Variants in BAZ2A observed in about 807,000 individuals in gnomAD.
BAZ2A encodes bromodomain adjacent to zinc finger domain protein 2A.
Under a neutral mutation model 199.9 loss-of-function variants are expected in BAZ2A, and 34 were observed. The observed-to-expected ratio is 0.17, with a 90% CI of 0.13 to 0.23. The LOEUF is 0.23. Ranked by LOEUF, BAZ2A falls within the 10% of genes least tolerant of loss-of-function variation. BAZ2A has a pLI of 1.00. For missense variants in BAZ2A, 2,002 were observed against 2,391.1 expected (o/e 0.84, Z 3.39); for synonymous variants, 857 against 883.9 (o/e 0.97, Z 0.54).
chr12:56,627,261 G>T (rs547711529), intron 1 of BAZ2A, among the ~76,000 whole-genome samples: 4 of 151,858 alleles, frequency 2.6e-5, no homozygotes, highest in African/African-American at 9.7e-5. Context: ...CTCAATTCGA[G>T]TTCGAGACCA....
At position 56,602,809 on chromosome 12, in the gene BAZ2A, G is replaced by A. The variant is rs752773077; in HGVS notation, c.3328C>T (p.Arg1110Trp). 4.3e-6 allele frequency: 7 copies of A among 1,613,642 alleles called. No homozygotes were observed. The highest frequency in any genetic ancestry group is 3.3e-5 in the South Asian group (3 of 91,048). ...CGGTCCTGACCCAGGGAGACCGCCC[G>A]AAGCATCTGGGATGAGTGAAGCAGC... is the stretch of plus-strand genomic sequence containing the variant. ...KKLLHSSQML[R>W]AVSLGQDRYR... The change falls in exon 19 of 29, where the codon CGG becomes TGG. Residue 1110 changes from arginine (R) to tryptophan (W), a missense_variant. Arg to Trp is a moderately radical substitution (Grantham distance 101). This residue lies in a region of BAZ2A where 1,081 missense variants were observed against 1,274.7 expected (regional missense o/e 0.85). Coordinates refer to ENST00000549884, the MANE Select transcript of BAZ2A (RefSeq NM_001300905.2).
intron 1 of BAZ2A, among the ~76,000 whole-genome samples, chr12:56,625,691 C>G (rs1424667800): frequency 6.6e-6 from 1 of 151,668 alleles, no homozygotes; most frequent in African/African-American, 2.4e-5. Flanking sequence ...TCCTGGCTAA[C>G]ACGGTGAAAC....
chr12:56,638,189 C>T, upstream of BAZ2A: 2 of 711,598 alleles, frequency 2.8e-6, no homozygotes, highest in South Asian at 1.9e-5. Flanking sequence ...GAGGGGTGTA[C>T]ATTTTATTGG....
Position 56,610,523 on chromosome 12 carries a change from A to G in BAZ2A, c.1671-6T>C. 6.2e-7 allele frequency: 1 copy of G among 1,607,750 alleles called. No individual in the cohort carries two copies. The highest frequency in any genetic ancestry group is 1.1e-5 in the South Asian group (1 of 89,934). On this transcript the variant is annotated splice_region_variant and splice_polypyrimidine_tract_variant and intron_variant, in intron 7 of 28. Transcript: ENST00000549884. Reference sequence around the variant, plus strand: ...TGCGCACCTCTCTCCGCCACCTGCCAGAGAAGCACATGGGCCCTGCCGCCA... The same window carrying G: ...TGCGCACCTCTCTCCGCCACCTGCCGGAGAAGCACATGGGCCCTGCCGCCA...
intron 3 of BAZ2A, 102 bp downstream of exon 3, chr12:56,614,912 T>C (rs760322845): frequency 5.6e-6 from 7 of 1,242,174 alleles, no homozygotes; most frequent in Non-Finnish European, 7.9e-6. Context: ...CAGCCTCCAC[T>C]GCAGAGAGCT....
Position 56,601,640 on chromosome 12 carries a change from G to C in BAZ2A, c.3977C>G (p.Ala1326Gly), listed in dbSNP as rs765025249. Residue 1326 changes from alanine to glycine, a missense_variant, in exon 20 of 29, where the codon GCC becomes GGC. Around this residue, in one of 6 missense-constraint regions of BAZ2A, gnomAD observed 1,081 missense variants for 1,274.7 expected, o/e 0.85. Coordinates refer to ENST00000549884, the MANE Select transcript of BAZ2A (RefSeq NM_001300905.2). ...DPQALWFNIS[A>G]QMPCNAAPTP... ...GGGGGCAGCATTGCAGGGCATCTGG[G>C]CTGAGATGTTAAACCAGAGTGCTTG... The C allele has an allele frequency of 1.2e-6, 2 of 1,613,972 alleles. No homozygotes were observed. Among genetic ancestry groups the C allele is most frequent in the South Asian group, 2.2e-5 (2 of 91,084 alleles).
chr12:56,609,072 G>A (rs1056556565), intron 10 of BAZ2A, among the ~76,000 whole-genome samples: 2 of 151,782 alleles, frequency 1.3e-5, no homozygotes, highest in Admixed American at 6.6e-5. Context: ...TAGAGACGGG[G>A]TTTTACCATG....
At chr12:56,620,852 C>A (rs1020832717) in intron 1 of BAZ2A, among the ~76,000 whole-genome samples, 34 of 152,090 alleles carry the variant, frequency 2.2e-4, no homozygotes. Flanking sequence ...TGAGCCACTG[C>A]GCCCAGTCAG....
chr12:56,601,992 C>A lies in BAZ2A; in HGVS notation c.3625G>T (p.Gly1209Cys), dbSNP rs1036599938. 1 of 1,556,444 alleles carries A rather than the reference C, an allele frequency of 6.4e-7. No homozygotes were observed. The highest frequency in any genetic ancestry group is 1.4e-5 in the African/African-American group (1 of 73,288). ...QPRHLKSPVR[G>C]QDSEQPQAQL... The stretch of plus-strand genomic sequence containing the variant: ...GCCTGGGGCTGTTCTGAATCCTGAC[C>A]CCTGACAGGGGACTTAAGATGCCTA... Residue 1209 changes from glycine to cysteine, a missense_variant, in exon 20 of 29, where the codon GGT (glycine) becomes TGT (cysteine). Around this residue, in one of 6 missense-constraint regions of BAZ2A, gnomAD observed 1,081 missense variants for 1,274.7 expected, o/e 0.85. Coordinates refer to ENST00000549884, the MANE Select transcript of BAZ2A (RefSeq NM_001300905.2).
chr12:56,599,115 T>A lies in BAZ2A; in HGVS notation c.5402+14A>T. ...GGTAGAGCCAACTGTCCCCCCAGGATTCACTCAACTCACTCGCAAAATGTG... is the reference window on the plus strand; with the variant it reads ...GGTAGAGCCAACTGTCCCCCCAGGAATCACTCAACTCACTCGCAAAATGTG... On this transcript the variant is annotated intron_variant, in intron 27 of 28. Coordinates refer to ENST00000549884, the MANE Select transcript of BAZ2A (RefSeq NM_001300905.2). 8 of 1,605,410 alleles carry A rather than the reference T, an allele frequency of 5.0e-6. No individual in the cohort carries two copies. The highest frequency in any genetic ancestry group is 6.8e-6 in the Non-Finnish European group (8 of 1,175,530).
At chr12:56,618,512 C>T (rs1042804637) in intron 1 of BAZ2A, among the ~76,000 whole-genome samples, 14 of 152,070 alleles carry the variant, frequency 9.2e-5, no homozygotes, top group African/African-American at 2.7e-4. Flanking sequence ...ACATATCAAT[C>T]GGATTCTTGT....
intron 1 of BAZ2A, among the ~76,000 whole-genome samples, chr12:56,620,485 A>G (rs756121579): frequency 3.3e-5 from 5 of 152,070 alleles, no homozygotes; most frequent in African/African-American, 4.8e-5. Context: ...TGGGTGACAG[A>G]GCGAAACCCT....
At chr12:56,620,111 GGAA>G (rs1950866497) in intron 1 of BAZ2A, among the ~76,000 whole-genome samples, 1 of 151,686 alleles carries the variant, frequency 6.6e-6, no homozygotes, top group African/African-American at 2.4e-5. Flanking sequence ...GGACCACACT[GGAA>G]GAAGTGTCTT....
chr12:56,614,618 A>G (rs1427966833), intron 3 of BAZ2A, among the ~76,000 whole-genome samples: 1 of 152,150 alleles, frequency 6.6e-6, no homozygotes, highest in Non-Finnish European at 1.5e-5. Context: ...CAATCACTAC[A>G]TTGGGCTCAG....
At chr12:56,619,345 C>CAA (rs1046293416) in intron 1 of BAZ2A, among the ~76,000 whole-genome samples, 2 of 116,310 alleles carry the variant, frequency 1.7e-5, no homozygotes, top group African/African-American at 6.4e-5. Context: ...GACTTCATCT[C>CAA]AAAAAAAAAA....
At position 56,601,846 on chromosome 12, in the gene BAZ2A, C is replaced by G; in HGVS notation, c.3771G>C (p.Gln1257His). 6.2e-7 allele frequency: 1 copy of G among 1,614,010 alleles called. No homozygotes were observed. Among genetic ancestry groups the G allele is most frequent in the Non-Finnish European group, 8.5e-7 (1 of 1,179,878 alleles). Reference sequence around the variant, plus strand: ...CTGACTGGCTGAGGTCATGCTGGCTCTGACCCAGTGACAAAGGGGAGCCTT... The same window carrying G: ...CTGACTGGCTGAGGTCATGCTGGCTGTGACCCAGTGACAAAGGGGAGCCTT... ...EQEGSPLSLGQSQHDLSQSAF... is the reference protein window; with the variant it reads ...EQEGSPLSLGHSQHDLSQSAF... Residue 1257 changes from glutamine (Q) to histidine (H), a missense_variant, in exon 20 of 29, where the codon CAG becomes CAC. Physicochemically the swap from Gln to His is conservative, Grantham distance 24. Transcript: ENST00000549884.
At chr12:56,604,533 C>T (rs1950283868) in intron 15 of BAZ2A, 52 bp downstream of exon 15, 1 of 1,511,152 alleles carries the variant, frequency 6.6e-7, no homozygotes, top group Admixed American at 2.0e-5. Context: ...AAGTCCTCCA[C>T]CCCATTCTGA....
chr12:56,629,575 A>AG (rs1310691394), intron 1 of BAZ2A, among the ~76,000 whole-genome samples: 6 of 152,170 alleles, frequency 3.9e-5, no homozygotes, highest in Non-Finnish European at 7.4e-5. Flanking sequence ...ACCCTCAGCA[A>AG]GGAAGGCCCT....
intron 5 of BAZ2A, 113 bp downstream of exon 5, chr12:56,612,902 G>A (rs1056283919): frequency 7.4e-6 from 9 of 1,221,736 alleles, no homozygotes; most frequent in Non-Finnish European, 9.3e-6. Flanking sequence ...GATTACAGGC[G>A]TGAGCCACTG....
Sources: gnomAD v4.1 joint callset for allele counts (sites outside exome capture counted in the v4.1 genomes callset) on GRCh38, gnomAD v4.1.1 for gene constraint, gnomAD v4.1.1 regional missense constraint, MANE v1.5 for transcripts, NCBI Gene and HGNC (gene_info 2026-07-23, HGNC 2026-07-21) for gene names.